CTNNA3: variants seen among roughly 807,000 people sequenced by gnomAD.
The protein encoded by CTNNA3 is catenin alpha-3.
In CTNNA3, 76 loss-of-function variants were observed where a neutral mutation model predicts 95.7. The observed-to-expected ratio is 0.79, with a 90% CI of 0.66 to 0.96. CTNNA3 has a LOEUF of 0.96. Ranked by LOEUF, CTNNA3 falls within the 40% of genes least tolerant of loss-of-function variation. CTNNA3 has a pLI of 0.00. For synonymous variants in CTNNA3, 431 were observed against 374.4 expected (o/e 1.15, Z -1.74); for missense variants, 1,191 against 1,089.8 (o/e 1.09, Z -1.31).
chr10:66,986,789 C>T (rs1254995049), intron 7 of CTNNA3, among the ~76,000 whole-genome samples: 1 of 152,100 alleles, frequency 6.6e-6, no homozygotes, highest in African/African-American at 2.4e-5. Flanking sequence ...TTAAATAACA[C>T]ATATGATAGT....
intron 15 of CTNNA3, among the ~76,000 whole-genome samples, chr10:66,029,377 AC>A (rs2133451892): frequency 6.6e-6 from 1 of 152,158 alleles, no homozygotes; most frequent in African/African-American, 2.4e-5. Flanking sequence ...TCATCTTTTA[AC>A]ACTTTCACCT....
intron 16 of CTNNA3, among the ~76,000 whole-genome samples, chr10:65,971,553 T>C (rs1437081042): frequency 2.6e-5 from 4 of 151,826 alleles, no homozygotes; most frequent in Non-Finnish European, 1.5e-5. Context: ...CATCTGTGCA[T>C]ACAAACTAGA....
chr10:67,503,763 C>T (rs1839307078), intron 5 of CTNNA3, among the ~76,000 whole-genome samples: 1 of 152,164 alleles, frequency 6.6e-6, no homozygotes, highest in Non-Finnish European at 1.5e-5. Context: ...TCAAATTGAT[C>T]CCCTACTGAC....
At chr10:67,483,811 CAAAG>C (rs1291227357) in intron 5 of CTNNA3, among the ~76,000 whole-genome samples, 1 of 146,718 alleles carries the variant, frequency 6.8e-6, no homozygotes, top group East Asian at 2.0e-4. Context: ...AAACACTGCT[CAAAG>C]AAATCAGAGA....
Position 66,360,595 on chromosome 10 carries a change from CCTT to C in CTNNA3, c.1732+18554_1732+18556del, listed in dbSNP as rs1414228420. Among the ~76,000 whole-genome samples the C allele has an allele frequency of 4.4e-4, 45 of 103,264 alleles. No individual in the cohort carries two copies. In the East Asian group the frequency reaches 7.8e-3, roughly 18 times the overall value. 67.7% of individuals were successfully genotyped at this position (103,264 alleles called of 152,430 possible). The stretch of plus-strand genomic sequence containing the variant: ...GAGGCTTACCTCTAATGTATTCTTT[CCTT>C]CTTTCTTTCTTTCTTTCTTTCTTTC... On this transcript the variant is annotated intron_variant, in intron 12 of 17. Transcript: ENST00000433211.
intron 1 of CTNNA3, among the ~76,000 whole-genome samples, chr10:67,653,028 A>C (rs1286459541): frequency 6.6e-6 from 1 of 152,222 alleles, no homozygotes; most frequent in African/African-American, 2.4e-5. Flanking sequence ...TTTATAAAGA[A>C]AAGATATTTA....
chr10:66,073,814 A>G (rs1166168507), intron 14 of CTNNA3, among the ~76,000 whole-genome samples: 1 of 152,050 alleles, frequency 6.6e-6, no homozygotes, highest in East Asian at 1.9e-4. Context: ...ACCTTATCAA[A>G]TAAAGGGTAT....
At chr10:66,792,624 A>T (rs913346316) in intron 7 of CTNNA3, among the ~76,000 whole-genome samples, 2 of 152,176 alleles carry the variant, frequency 1.3e-5, no homozygotes, top group Non-Finnish European at 2.9e-5. Flanking sequence ...TCTGGCACAC[A>T]ACTCTATACA....
At chr10:67,143,563 T>C (rs1161111836) in intron 7 of CTNNA3, among the ~76,000 whole-genome samples, 1 of 152,096 alleles carries the variant, frequency 6.6e-6, no homozygotes, top group Non-Finnish European at 1.5e-5. Flanking sequence ...GTTTATGGAA[T>C]ATTCTAAATC....
intron 9 of CTNNA3, among the ~76,000 whole-genome samples, chr10:66,744,085 C>G (rs1849422676): frequency 6.7e-6 from 1 of 148,850 alleles, no homozygotes; most frequent in South Asian, 2.1e-4. Flanking sequence ...CTGCAAGAAA[C>G]TGACTACTAT....
chr10:66,776,859 G>C (rs1039110754), intron 7 of CTNNA3, among the ~76,000 whole-genome samples: 1 of 152,062 alleles, frequency 6.6e-6, no homozygotes, highest in Non-Finnish European at 1.5e-5. Context: ...TTAGAATCCT[G>C]ATATTGGCAA....
At chr10:66,546,420 AT>A (rs1446064057) in intron 10 of CTNNA3, among the ~76,000 whole-genome samples, 1 of 152,082 alleles carries the variant, frequency 6.6e-6, no homozygotes, top group East Asian at 1.9e-4. Flanking sequence ...TTTTTATTCC[AT>A]TTGTTTATCC....
Position 66,985,830 on chromosome 10 carries a change from C to T in CTNNA3, c.1047+194487G>A, listed in dbSNP as rs144957019. ...GCAATCTTCACCTCCTGGGTTCAAG[C>T]GATTCTCATGCCTCAGCCTCCCAAG... On this transcript the variant is annotated intron_variant, in intron 7 of 17. Coordinates refer to ENST00000433211, the MANE Select transcript of CTNNA3 (RefSeq NM_013266.4). Among the ~76,000 whole-genome samples the T allele has an allele frequency of 9.4e-3, 1,431 of 152,160 alleles. 27 individuals carry two copies. Among genetic ancestry groups the T allele is most frequent in the African/African-American group, 0.032 (1,342 of 41,532 alleles).
At chr10:66,135,426 T>C (rs2083298120) in intron 13 of CTNNA3, among the ~76,000 whole-genome samples, 1 of 152,218 alleles carries the variant, frequency 6.6e-6, no homozygotes, top group South Asian at 2.1e-4. Flanking sequence ...AAAAAATTAA[T>C]GATTTCAGTA....
At chr10:67,075,901 C>T in intron 7 of CTNNA3, among the ~76,000 whole-genome samples, 1 of 152,196 alleles carries the variant, frequency 6.6e-6, no homozygotes, top group East Asian at 1.9e-4. Context: ...AGGTGTGGAG[C>T]ATGGAAAGAA....
Position 66,906,642 on chromosome 10 carries a change from AGT to A in CTNNA3, c.1048-131120_1048-131119del, listed in dbSNP as rs556425674. Among the ~76,000 whole-genome samples the A allele has an allele frequency of 1.2e-4, 18 of 151,932 alleles. No individual in the cohort carries two copies. In the South Asian group the frequency reaches 2.3e-3, roughly 19 times the overall value. On this transcript the variant is annotated intron_variant, in intron 7 of 17. Coordinates refer to ENST00000433211, the MANE Select transcript of CTNNA3 (RefSeq NM_013266.4). ...TTTTGATCCTGTTTCAAAAATTGAC[AGT>A]GTGTGTGTGTGTTTGTGTTTGTGTG...
At chr10:67,194,642 A>T (rs893359188) in intron 6 of CTNNA3, among the ~76,000 whole-genome samples, 4 of 151,822 alleles carry the variant, frequency 2.6e-5, no homozygotes, top group African/African-American at 9.7e-5. Flanking sequence ...TGGTGGATGA[A>T]TTTTATTATA....
At chr10:66,797,314 A>C (rs1331831584) in intron 7 of CTNNA3, among the ~76,000 whole-genome samples, 1 of 151,860 alleles carries the variant, frequency 6.6e-6, no homozygotes, top group Non-Finnish European at 1.5e-5. Context: ...TGTGGTACTT[A>C]AACTATGGTT....
intron 5 of CTNNA3, among the ~76,000 whole-genome samples, chr10:67,461,831 A>G (rs1564666338): frequency 6.6e-6 from 1 of 152,190 alleles, no homozygotes; most frequent in South Asian, 2.1e-4. Flanking sequence ...CACAAACAAC[A>G]TGATGCATTA....
Sources: gnomAD v4.1 joint callset for allele counts (sites outside exome capture counted in the v4.1 genomes callset) on GRCh38, gnomAD v4.1.1 for gene constraint, MANE v1.5 for transcripts, NCBI Gene and HGNC (gene_info 2026-07-23, HGNC 2026-07-21) for gene names.